Variants in PTPRG observed in about 807,000 individuals in gnomAD.
PTPRG encodes protein tyrosine phosphatase receptor type G, also known as receptor-type tyrosine-protein phosphatase gamma.
PTPRG carries 102 observed loss-of-function variants against 165.3 expected under a neutral mutation model. The observed-to-expected ratio is 0.62, with a 90% CI of 0.53 to 0.73. The LOEUF (loss-of-function observed/expected upper bound fraction) is 0.73, where lower values mean the gene tolerates loss of function less well. PTPRG is among the 30% of genes least tolerant of loss of function. The pLI is 0.00. For missense variants in PTPRG, 1,866 were observed against 1,861.4 expected (o/e 1.00, Z -0.05); for synonymous variants, 675 against 669.5 (o/e 1.01, Z -0.13).
intron 2 of PTPRG, among the ~76,000 whole-genome samples, chr3:61,824,427 G>A (rs1454971230): frequency 6.6e-6 from 1 of 152,176 alleles, no homozygotes; most frequent in Non-Finnish European, 1.5e-5. Context: ...GTGGATGGAA[G>A]AAAAACAAAC....
intron 14 of PTPRG, among the ~76,000 whole-genome samples, chr3:62,242,829 T>C (rs944271199): frequency 1.3e-5 from 2 of 152,040 alleles, no homozygotes; most frequent in African/African-American, 2.4e-5. Flanking sequence ...AAAGCTGTAA[T>C]GTGTGTAAAT....
At chr3:61,634,534 C>T (rs147646638) in intron 1 of PTPRG, among the ~76,000 whole-genome samples, 4 of 152,066 alleles carry the variant, frequency 2.6e-5, no homozygotes, top group Non-Finnish European at 4.4e-5. Flanking sequence ...CCACCGTGCC[C>T]GGCTGTGTGT....
intron 2 of PTPRG, among the ~76,000 whole-genome samples, chr3:61,889,492 A>C (rs936682629): frequency 7.2e-5 from 11 of 152,236 alleles, no homozygotes; most frequent in Non-Finnish European, 1.2e-4. Context: ...TTAACATGAT[A>C]GTGACATGTT....
At chr3:61,599,518 G>C (rs1700789558) in intron 1 of PTPRG, among the ~76,000 whole-genome samples, 1 of 151,758 alleles carries the variant, frequency 6.6e-6, no homozygotes, top group South Asian at 2.1e-4. Context: ...TTTGAGACAG[G>C]GTCTAGCTCT....
At chr3:62,218,701 C>T in intron 12 of PTPRG, 150 bp from the exon 13 acceptor site, 1 of 983,512 alleles carries the variant, frequency 1.0e-6, no homozygotes, top group Non-Finnish European at 1.5e-6. Flanking sequence ...ATGGTGAGGG[C>T]TGCGGATTGC....
chr3:61,980,751 G>A (rs1224551378), intron 2 of PTPRG, among the ~76,000 whole-genome samples: 1 of 152,178 alleles, frequency 6.6e-6, no homozygotes, highest in Non-Finnish European at 1.5e-5. Flanking sequence ...ATTCAGACAT[G>A]GTTTGATCAG....
intron 4 of PTPRG, among the ~76,000 whole-genome samples, chr3:62,030,727 G>A (rs1699740952): frequency 6.6e-6 from 1 of 152,156 alleles, no homozygotes; most frequent in Admixed American, 6.5e-5. Context: ...GAGAAATGCT[G>A]AATTGCAGAC....
chr3:61,659,757 T>C (rs1386234608), intron 1 of PTPRG, among the ~76,000 whole-genome samples: 1 of 152,228 alleles, frequency 6.6e-6, no homozygotes, highest in Non-Finnish European at 1.5e-5. Context: ...TTACTTTTCA[T>C]AACCGATTTA....
intron 2 of PTPRG, among the ~76,000 whole-genome samples, chr3:61,902,626 A>G (rs2038529117): frequency 6.6e-6 from 1 of 152,220 alleles, no homozygotes; most frequent in Non-Finnish European, 1.5e-5. Context: ...CTTATATCAT[A>G]AATTTCTAAG....
At chr3:62,146,162 A>G (rs1443865726) in intron 6 of PTPRG, among the ~76,000 whole-genome samples, 1 of 152,228 alleles carries the variant, frequency 6.6e-6, no homozygotes, top group African/African-American at 2.4e-5. Context: ...CATTTCCTTA[A>G]TTGTTGACAA....
At chr3:61,670,097 C>T (rs1385146940) in intron 1 of PTPRG, among the ~76,000 whole-genome samples, 2 of 152,152 alleles carry the variant, frequency 1.3e-5, no homozygotes, top group Non-Finnish European at 1.5e-5. Context: ...TCACACATAG[C>T]CCTGTGGGAA....
chr3:62,162,424 A>G (rs900758798), intron 7 of PTPRG, among the ~76,000 whole-genome samples: 7 of 152,216 alleles, frequency 4.6e-5, no homozygotes, highest in African/African-American at 1.4e-4. Context: ...ACTTTCATTT[A>G]TTTTTACTAA....
chr3:62,091,828 C>A (rs551978155), intron 5 of PTPRG, among the ~76,000 whole-genome samples: 1 of 152,076 alleles, frequency 6.6e-6, no homozygotes, highest in East Asian at 1.9e-4. Context: ...ATGTTATTCT[C>A]TTCTATATGG....
At position 62,224,044 on chromosome 3, in the gene PTPRG, C is replaced by CA. The variant is rs928489737; in HGVS notation, c.2288+5067dup. Among the ~76,000 whole-genome samples, 2 of 151,694 alleles carry CA rather than the reference C, an allele frequency of 1.3e-5. No homozygotes were observed. Among genetic ancestry groups the CA allele is most frequent in the African/African-American group, 4.8e-5 (2 of 41,322 alleles). On this transcript the variant is annotated intron_variant, in intron 13 of 29. Coordinates refer to ENST00000474889, the MANE Select transcript of PTPRG (RefSeq NM_002841.4). This position sits in a 1 kb window ranked among gnomAD's most constrained non-coding sequence, Gnocchi z 4.9. ...CCAACTGAGCAGAACCACTTTGGGC[C>CA]AAAAAAGGAAAGGGGTGACTATAAT...
chr3:62,277,111 AC>A, intron 25 of PTPRG, 63 bp downstream of exon 25: 1 of 1,256,826 alleles, frequency 8.0e-7, no homozygotes, highest in Non-Finnish European at 1.2e-6. Context: ...AAGAGCAGAT[AC>A]CACCTGTGTG....
chr3:61,830,427 A>G (rs931107116), intron 2 of PTPRG, among the ~76,000 whole-genome samples: 1 of 152,184 alleles, frequency 6.6e-6, no homozygotes, highest in African/African-American at 2.4e-5. Context: ...GTCTGTCTAT[A>G]GATATCTTTT....
intron 6 of PTPRG, among the ~76,000 whole-genome samples, chr3:62,136,780 C>T (rs564024573): frequency 2.6e-5 from 4 of 152,316 alleles, no homozygotes; most frequent in South Asian, 4.2e-4. Context: ...ATGCCTTTCA[C>T]CTTCCACCAT....
chr3:61,861,799 A>G (rs968466746), intron 2 of PTPRG, among the ~76,000 whole-genome samples: 1 of 152,240 alleles, frequency 6.6e-6, no homozygotes, highest in Non-Finnish European at 1.5e-5. Flanking sequence ...CACTTAATGC[A>G]TGCCGATGCC....
intron 10 of PTPRG, among the ~76,000 whole-genome samples, chr3:62,201,182 A>G (rs1296135252): frequency 4.6e-5 from 7 of 152,228 alleles, no homozygotes; most frequent in Admixed American, 1.3e-4. Context: ...CTATACACCT[A>G]TATTTTATGC....
Sources: gnomAD v4.1 joint callset for allele counts (sites outside exome capture counted in the v4.1 genomes callset) on GRCh38, gnomAD v4.1.1 for gene constraint, Gnocchi (gnomAD v3.1) non-coding constraint, MANE v1.5 for transcripts, NCBI Gene and HGNC (gene_info 2026-07-23, HGNC 2026-07-21) for gene names.